The following NR5A2 variants were observed in gnomAD, a reference collection of about 807,000 sequenced individuals.
NR5A2 encodes nuclear receptor subfamily 5 group A member 2.
Under a neutral mutation model 62.7 loss-of-function variants are expected in NR5A2, and 26 were observed. The ratio of observed to expected loss-of-function variants is 0.41; its 90% confidence interval spans 0.30 to 0.58. The LOEUF (loss-of-function observed/expected upper bound fraction) is 0.58, where lower values mean the gene tolerates loss of function less well. Among genes scored for constraint, NR5A2 ranks in the 20% least tolerant of loss-of-function variants. The pLI is 0.22. For synonymous variants in NR5A2, 246 were observed against 241.7 expected (o/e 1.02, Z -0.16); for missense variants, 541 against 669.1 (o/e 0.81, Z 2.11).
chr1:200,123,465 C>T (rs1270641097), intron 7 of NR5A2, among the ~76,000 whole-genome samples: 1 of 152,140 alleles, frequency 6.6e-6, no homozygotes, highest in Non-Finnish European at 1.5e-5. Flanking sequence ...GGAGCCTGGA[C>T]ATGGACATGA....
intron 1 of NR5A2, chr1:200,028,925 C>A: frequency 3.1e-6 from 1 of 320,488 alleles, no homozygotes; most frequent in Non-Finnish European, 6.3e-6. Context: ...CAACTACACC[C>A]TAAAGTATAT....
At chr1:200,038,773 G>GT (rs1211952767) in intron 1 of NR5A2, 2 of 1,352,416 alleles carry the variant, frequency 1.5e-6, no homozygotes, top group Admixed American at 2.0e-5. Flanking sequence ...CTGACTAGCT[G>GT]TAAGACCCGG....
At chr1:200,169,060 A>G (rs756519174) in intron 7 of NR5A2, among the ~76,000 whole-genome samples, 1 of 151,970 alleles carries the variant, frequency 6.6e-6, no homozygotes, top group Non-Finnish European at 1.5e-5. Flanking sequence ...ACCAGCTCGC[A>G]CCTGTAATTA....
intron 1 of NR5A2, among the ~76,000 whole-genome samples, chr1:200,030,367 T>A (rs910049376): frequency 6.6e-6 from 1 of 152,224 alleles, no homozygotes; most frequent in African/African-American, 2.4e-5. Context: ...AAGTTTTGTA[T>A]AGATGTCTGT....
At chr1:200,032,924 C>A (rs1420401058) in intron 1 of NR5A2, among the ~76,000 whole-genome samples, 1 of 152,210 alleles carries the variant, frequency 6.6e-6, no homozygotes, top group Admixed American at 6.5e-5. Flanking sequence ...TTGGTCTATG[C>A]AGACTTTCCT....
chr1:200,095,712 C>G (rs1485870806), intron 5 of NR5A2, among the ~76,000 whole-genome samples: 2 of 68,780 alleles, frequency 2.9e-5, no homozygotes, highest in East Asian at 6.6e-4. Context: ...GCCACCATGC[C>G]CAGCTAATTT....
Position 200,151,827 on chromosome 1 carries a change from G to A in NR5A2, c.1379-22136G>A, listed in dbSNP as rs148569231. Among the ~76,000 whole-genome samples, 286 of 152,320 alleles carry A rather than the reference G, an allele frequency of 1.9e-3. 1 individual carries two copies. Among genetic ancestry groups the A allele is most frequent in the East Asian group, 0.011 (58 of 5,194 alleles). Reference sequence around the variant, plus strand: ...AATTAGTATTTACTAGATTGACTGCGTAAGCAGAAAGTCACCACTGGCTGA... The same window carrying A: ...AATTAGTATTTACTAGATTGACTGCATAAGCAGAAAGTCACCACTGGCTGA... On this transcript the variant is annotated intron_variant, in intron 7 of 7. Coordinates refer to ENST00000367362, the MANE Select transcript of NR5A2 (RefSeq NM_205860.3).
chr1:200,062,227 T>TTATGTGTG (rs1553267511), intron 5 of NR5A2, among the ~76,000 whole-genome samples: 3 of 145,666 alleles, frequency 2.1e-5, no homozygotes, highest in African/African-American at 7.6e-5. Flanking sequence ...CTGGCAGATT[T>TTATGTGTG]TGTGTGTGTG....
rs971651298 is a variant in NR5A2 at position 200,177,319 on chromosome 1, T to C, written c.*3109T>C. On this transcript the variant is annotated 3_prime_UTR_variant, in exon 8 of 8. Transcript: ENST00000367362. ...ATGTTTTCTTACTGTATCAATGAAA[T>C]ACATATTGTCATGTCAGTTCTTGCC... is the stretch of plus-strand genomic sequence containing the variant. The C allele has an allele frequency of 6.6e-6, 1 of 152,626 alleles. No homozygotes were observed. The highest frequency in any genetic ancestry group is 2.4e-5 in the African/African-American group (1 of 41,462). The allele number at this position is 152,626 out of a possible 1,614,324, so 9.5% of individuals were successfully genotyped here.
intron 7 of NR5A2, among the ~76,000 whole-genome samples, chr1:200,153,854 C>A (rs1173060841): frequency 2.0e-5 from 3 of 151,930 alleles, no homozygotes; most frequent in African/African-American, 4.8e-5. Flanking sequence ...GATAGAAAAT[C>A]AAACACAGAT....
chr1:200,164,010 G>T (rs1034638336), intron 7 of NR5A2, among the ~76,000 whole-genome samples: 4 of 151,906 alleles, frequency 2.6e-5, no homozygotes, highest in African/African-American at 9.7e-5. Context: ...CTCAGGGCCT[G>T]GTGTTGTCTT....
intron 5 of NR5A2, among the ~76,000 whole-genome samples, chr1:200,071,802 TTACTCAGTATTTCTC>T (rs1393876762): frequency 6.6e-6 from 1 of 152,206 alleles, no homozygotes; most frequent in Non-Finnish European, 1.5e-5. Context: ...ACTGCCTGTG[TTACTCAGTATTTCTC>T]TGCTCAGAGA....
chr1:200,055,588 C>G (rs1374770607), intron 5 of NR5A2, among the ~76,000 whole-genome samples: 1 of 152,152 alleles, frequency 6.6e-6, no homozygotes, highest in East Asian at 1.9e-4. Flanking sequence ...TTGCCTTCTC[C>G]TGAGAGTTGG....
At chr1:200,133,100 T>C (rs186088136) in intron 7 of NR5A2, among the ~76,000 whole-genome samples, 1 of 152,358 alleles carries the variant, frequency 6.6e-6, no homozygotes, top group African/African-American at 2.4e-5. Flanking sequence ...ACAGAAATAG[T>C]GCTTTTGCAT....
At position 200,059,723 on chromosome 1, in the gene NR5A2, A is replaced by G. The variant is rs183971291; in HGVS notation, c.1110+10905A>G. Among the ~76,000 whole-genome samples, 406 of 152,280 alleles carry G rather than the reference A, an allele frequency of 2.7e-3. 4 individuals carry two copies. The highest frequency in any genetic ancestry group is 9.4e-3 in the African/African-American group (392 of 41,554). On this transcript the variant is annotated intron_variant, in intron 5 of 7. Transcript: ENST00000367362. ...GAAGGACTTTGCCCTCTGAACCTAT[A>G]TGGTAAAATAGATCTTTTTTATTTT...
intron 5 of NR5A2, among the ~76,000 whole-genome samples, chr1:200,063,069 G>A (rs1663300654): frequency 6.6e-6 from 1 of 151,660 alleles, no homozygotes; most frequent in Admixed American, 6.6e-5. Flanking sequence ...TGTCACCCAG[G>A]CTGGAGTGCA....
intron 5 of NR5A2, among the ~76,000 whole-genome samples, chr1:200,088,332 A>G (rs2737663): frequency 0.48 from 72,440 of 151,828 alleles, 17,290 homozygotes; most frequent in Middle Eastern, 0.52. Context: ...ATCCTGGCTC[A>G]CTGCAACCTC....
chr1:200,074,893 T>A lies in NR5A2; in HGVS notation c.1110+26075T>A, dbSNP rs1558122977. ...CATGATAGACTGAATGATTATTTTT[T>A]AAATAGTTACATTTTTAGGGGTTTA... On this transcript the variant is annotated intron_variant, in intron 5 of 7. Coordinates refer to ENST00000367362, the MANE Select transcript of NR5A2 (RefSeq NM_205860.3). 2.0e-5 allele frequency among the ~76,000 whole-genome samples: 3 copies of A among 152,006 alleles called. No individual in the cohort carries two copies. The South Asian group carries it at 6.2e-4, about 32-fold the overall frequency.
intron 7 of NR5A2, among the ~76,000 whole-genome samples, chr1:200,168,785 T>C (rs1046676756): frequency 2.0e-5 from 3 of 152,242 alleles, no homozygotes; most frequent in African/African-American, 4.8e-5. Context: ...AGAACGAACA[T>C]GTTCTGCAAC....
Sources: allele counts gnomAD v4.1 joint callset (sites outside exome capture counted in the v4.1 genomes callset), GRCh38; gene constraint gnomAD v4.1.1; transcripts MANE v1.5; gene names NCBI Gene and HGNC (gene_info 2026-07-23, HGNC 2026-07-21).